CUL5: variants seen among roughly 807,000 people sequenced by gnomAD.
The protein encoded by CUL5 is cullin 5.
CUL5 carries 26 observed loss-of-function variants against 108.8 expected under a neutral mutation model. The ratio of observed to expected loss-of-function variants is 0.24; its 90% CI spans 0.18 to 0.33. The LOEUF is 0.33. Among genes scored for constraint, CUL5 ranks in the 10% least tolerant of loss-of-function variants. The pLI, the probability that CUL5 is intolerant of heterozygous loss-of-function variation, is 1.00. For missense variants in CUL5, 524 were observed against 909.2 expected (o/e 0.58, Z 5.45); for synonymous variants, 334 against 298.0 (o/e 1.12, Z -1.25).
chr11:108,020,229 A>G (rs1326056383), intron 1 of CUL5, among the ~76,000 whole-genome samples: 1 of 152,204 alleles, frequency 6.6e-6, no homozygotes, highest in Non-Finnish European at 1.5e-5. Context: ...TAATAAATTT[A>G]AAAGTTAACT....
intron 8 of CUL5, among the ~76,000 whole-genome samples, 199 bp from the exon 9 acceptor site, chr11:108,072,133 C>G (rs958561690): frequency 6.6e-6 from 1 of 152,006 alleles, no homozygotes; most frequent in Admixed American, 6.6e-5. Context: ...GAGCCGTGAT[C>G]GAGCCACTGT....
intron 13 of CUL5, among the ~76,000 whole-genome samples, chr11:108,091,023 C>T (rs1864341779): frequency 6.6e-6 from 1 of 151,940 alleles, no homozygotes; most frequent in African/African-American, 2.4e-5. Context: ...TACGAGAAAC[C>T]TTTAGAATTA....
intron 1 of CUL5, among the ~76,000 whole-genome samples, chr11:108,024,201 C>T (rs7121079): frequency 0.97 from 147,984 of 152,278 alleles, 72,029 homozygotes; most frequent in Middle Eastern, 1. Context: ...CTGCCACTTA[C>T]TGCCTATAAT....
At chr11:108,067,347 GTTTAC>G (rs1471282763) in intron 7 of CUL5, among the ~76,000 whole-genome samples, 1 of 152,070 alleles carries the variant, frequency 6.6e-6, no homozygotes, top group East Asian at 1.9e-4. Flanking sequence ...ATTCTTCTCA[GTTTAC>G]TTTAATTATG....
chr11:108,040,173 A>G (rs1337462323), intron 2 of CUL5, among the ~76,000 whole-genome samples: 1 of 152,172 alleles, frequency 6.6e-6, no homozygotes, highest in Non-Finnish European at 1.5e-5. Context: ...ACCTTATAGC[A>G]TGTTCCCTTT....
Position 108,043,033 on chromosome 11 carries a change from G to A in CUL5, c.135-3237G>A, listed in dbSNP as rs367555028. ...CCACCTCGGCCTCCCAAAATGCTAG[G>A]ATTAAAGGCATGAGCCGCCATGCCC... On this transcript the variant is annotated intron_variant, in intron 2 of 18. Coordinates refer to ENST00000393094, the MANE Select transcript of CUL5 (RefSeq NM_003478.6). 8.5e-5 allele frequency among the ~76,000 whole-genome samples: 13 copies of A among 152,092 alleles called. 1 individual carries two copies. In the East Asian group the frequency reaches 9.7e-4, roughly 11 times the overall value.
intron 1 of CUL5, among the ~76,000 whole-genome samples, chr11:108,016,451 G>A (rs922927520): frequency 6.6e-6 from 1 of 152,034 alleles, no homozygotes; most frequent in Non-Finnish European, 1.5e-5. Flanking sequence ...ACAGGGTTTT[G>A]CCATGTTGTC....
At chr11:108,020,379 A>C (rs979454000) in intron 1 of CUL5, among the ~76,000 whole-genome samples, 5 of 152,168 alleles carry the variant, frequency 3.3e-5, no homozygotes, top group African/African-American at 9.7e-5. Flanking sequence ...GACAGTGATG[A>C]TGATCCTGAC....
In CUL5 at chr11:108,010,527, C is replaced by T. The variant is rs1046258981; in HGVS notation, c.24+1155C>T. On this transcript the variant is annotated intron_variant, in intron 1 of 18. Transcript: ENST00000393094. Reference sequence around the variant, plus strand: ...TAGAATTAGACTCCCTGAATAGCCACCACTTAAAAGCTGTATGACTTTGGG... The same window carrying T: ...TAGAATTAGACTCCCTGAATAGCCATCACTTAAAAGCTGTATGACTTTGGG... Among the ~76,000 whole-genome samples, 51 of 152,204 alleles carry T rather than the reference C, an allele frequency of 3.4e-4. 1 individual carries two copies. The highest frequency in any genetic ancestry group is 7.2e-4 in the Non-Finnish European group (49 of 68,036).
chr11:108,103,326 C>T (rs910406719), intron 18 of CUL5, among the ~76,000 whole-genome samples: 4 of 151,544 alleles, frequency 2.6e-5, no homozygotes, highest in East Asian at 1.9e-4. Context: ...TTTGGGAGAC[C>T]AGGGCAGGGG....
intron 7 of CUL5, among the ~76,000 whole-genome samples, chr11:108,067,669 T>A (rs1483753947): frequency 6.6e-6 from 1 of 152,192 alleles, no homozygotes; most frequent in Non-Finnish European, 1.5e-5. Flanking sequence ...AATGTTCAAG[T>A]GAAAGTTTTC....
chr11:108,104,131 T>C, intron 18 of CUL5, 59 bp from the exon 19 acceptor site: 1 of 1,141,314 alleles, frequency 8.8e-7, no homozygotes. Context: ...TTTTTCAGTT[T>C]GTTGTACTTA....
At chr11:108,064,978 G>A (rs1471670572) in intron 7 of CUL5, among the ~76,000 whole-genome samples, 1 of 151,634 alleles carries the variant, frequency 6.6e-6, no homozygotes, top group African/African-American at 2.4e-5. Flanking sequence ...CAGGTGCCAG[G>A]CTTTTCTTTG....
chr11:108,016,310 A>C (rs895175220), intron 1 of CUL5, among the ~76,000 whole-genome samples: 2 of 151,892 alleles, frequency 1.3e-5, no homozygotes, highest in Admixed American at 1.3e-4. Flanking sequence ...TCTGTCCCCC[A>C]GTCTGGAGTA....
chr11:108,068,475 C>G (rs112590413), intron 7 of CUL5, among the ~76,000 whole-genome samples: 1 of 151,866 alleles, frequency 6.6e-6, no homozygotes, highest in Non-Finnish European at 1.5e-5. Flanking sequence ...ATTCTTTATT[C>G]GGAAAATTTT....
intron 16 of CUL5, among the ~76,000 whole-genome samples, chr11:108,095,962 G>T (rs1405413789): frequency 6.6e-6 from 1 of 151,744 alleles, no homozygotes; most frequent in Non-Finnish European, 1.5e-5. Flanking sequence ...TGGGCGTGGT[G>T]GTGGGCGCCT....
chr11:108,013,276 C>T (rs1284487005), intron 1 of CUL5, among the ~76,000 whole-genome samples: 1 of 152,104 alleles, frequency 6.6e-6, no homozygotes, highest in African/African-American at 2.4e-5. Context: ...ATCTTCAGCC[C>T]TTTTCTATCT....
At chr11:108,051,040 G>C (rs1460727093) in intron 4 of CUL5, among the ~76,000 whole-genome samples, 1 of 152,160 alleles carries the variant, frequency 6.6e-6, no homozygotes, top group Non-Finnish European at 1.5e-5. Flanking sequence ...ACTGTTTACT[G>C]TGATGGTTAC....
intron 10 of CUL5, 122 bp from the exon 11 acceptor site, chr11:108,078,054 G>A: frequency 5.4e-6 from 3 of 554,324 alleles, no homozygotes; most frequent in Non-Finnish European, 9.3e-6. Context: ...GGCAAATTCT[G>A]TTTGGCCAGA....
Sources: allele counts gnomAD v4.1 joint callset (sites outside exome capture counted in the v4.1 genomes callset), GRCh38; gene constraint gnomAD v4.1.1; transcripts MANE v1.5; gene names NCBI Gene and HGNC (gene_info 2026-07-23, HGNC 2026-07-21).